KHDRBS3: variants seen among roughly 807,000 people sequenced by gnomAD.
KHDRBS3 encodes the protein KH domain-containing, RNA-binding, signal transduction-associated protein 3.
In KHDRBS3, 23 loss-of-function variants were observed where a neutral mutation model predicts 45.6. The observed-to-expected ratio is 0.50, with a 90% CI of 0.36 to 0.72. KHDRBS3 has a LOEUF of 0.72. Among genes scored for constraint, KHDRBS3 ranks in the 30% least tolerant of loss-of-function variants. The pLI, the probability that KHDRBS3 is intolerant of heterozygous loss-of-function variation, is 0.00. For missense variants in KHDRBS3, 352 were observed against 424.8 expected (o/e 0.83, Z 1.51); for synonymous variants, 162 against 156.5 (o/e 1.04, Z -0.26).
chr8:135,509,972 C>G (rs1056453015), intron 1 of KHDRBS3, among the ~76,000 whole-genome samples: 2 of 146,890 alleles, frequency 1.4e-5, no homozygotes, highest in African/African-American at 5.3e-5. Context: ...CTTTCCCCCC[C>G]CCTTTTTTTT....
At chr8:135,523,531 C>T (rs1825024028) in intron 2 of KHDRBS3, among the ~76,000 whole-genome samples, 1 of 152,092 alleles carries the variant, frequency 6.6e-6, no homozygotes, top group Non-Finnish European at 1.5e-5. Context: ...ATTTGTCATG[C>T]ACATCATTAT....
At chr8:135,489,187 C>T (rs1210893089) in intron 1 of KHDRBS3, among the ~76,000 whole-genome samples, 2 of 152,088 alleles carry the variant, frequency 1.3e-5, no homozygotes, top group South Asian at 2.1e-4. Context: ...TCCCCAACTC[C>T]TTTCAAAGTT....
At chr8:135,467,649 T>A (rs777972117) in intron 1 of KHDRBS3, among the ~76,000 whole-genome samples, 1 of 152,264 alleles carries the variant, frequency 6.6e-6, no homozygotes, top group Non-Finnish European at 1.5e-5. Flanking sequence ...TCACACACTG[T>A]CTTGGCAGGA....
At chr8:135,608,678 C>T (rs942485739) in intron 7 of KHDRBS3, among the ~76,000 whole-genome samples, 2 of 152,136 alleles carry the variant, frequency 1.3e-5, no homozygotes, top group African/African-American at 4.8e-5. Context: ...GATGTATATA[C>T]AGTTATGTGT....
At chr8:135,543,009 G>A (rs1483761474) in intron 3 of KHDRBS3, among the ~76,000 whole-genome samples, 1 of 152,110 alleles carries the variant, frequency 6.6e-6, no homozygotes, top group Non-Finnish European at 1.5e-5. Context: ...GTTGTAATAT[G>A]TCACCTTGTA....
At chr8:135,521,384 A>G in intron 2 of KHDRBS3, 29 bp downstream of exon 2, 1 of 1,214,074 alleles carries the variant, frequency 8.2e-7, no homozygotes, top group Non-Finnish European at 1.2e-6. Flanking sequence ...CACTGCAGGT[A>G]TTTTAACCTG....
intron 4 of KHDRBS3, among the ~76,000 whole-genome samples, chr8:135,654,098 A>G (rs1214835340): frequency 2.0e-5 from 3 of 152,226 alleles, no homozygotes; most frequent in East Asian, 1.9e-4. Flanking sequence ...TATTTTTTAC[A>G]TAGAAAACAA....
chr8:135,645,368 T>C (rs1211947992), intron 8 of KHDRBS3, among the ~76,000 whole-genome samples: 1 of 152,214 alleles, frequency 6.6e-6, no homozygotes, highest in African/African-American at 2.4e-5. Context: ...TTGGTCGCCG[T>C]GTGCTGATTT....
intron 4 of KHDRBS3, among the ~76,000 whole-genome samples, chr8:135,555,164 A>G (rs1273590275): frequency 4.6e-5 from 7 of 152,208 alleles, no homozygotes; most frequent in Admixed American, 4.6e-4. Context: ...TAAATACAAC[A>G]CTGACTTCCT....
At chr8:135,548,175 A>C (rs1826404051) in intron 3 of KHDRBS3, among the ~76,000 whole-genome samples, 1 of 152,214 alleles carries the variant, frequency 6.6e-6, no homozygotes, top group Non-Finnish European at 1.5e-5. Context: ...ATCTTTGTTG[A>C]ACATCTGTAT....
intron 5 of KHDRBS3, 41 bp downstream of exon 5, chr8:135,557,628 C>A (rs770122669): frequency 1.5e-5 from 22 of 1,507,010 alleles, no homozygotes; most frequent in Non-Finnish European, 1.9e-5. Context: ...ACCGTGGCAG[C>A]AGTTTTAATA....
At chr8:135,624,503 C>G (rs770772741) in intron 7 of KHDRBS3, among the ~76,000 whole-genome samples, 16 of 152,308 alleles carry the variant, frequency 1.1e-4, no homozygotes, top group Non-Finnish European at 2.1e-4. Flanking sequence ...CTCTTCAACT[C>G]AAACATCTCA....
At chr8:135,545,528 T>C (rs1826251746) in intron 3 of KHDRBS3, among the ~76,000 whole-genome samples, 1 of 152,168 alleles carries the variant, frequency 6.6e-6, no homozygotes, top group Non-Finnish European at 1.5e-5. Flanking sequence ...TGAGCATCTG[T>C]ATTGTTATTC....
chr8:135,533,348 T>C (rs749825772), intron 2 of KHDRBS3, among the ~76,000 whole-genome samples: 1 of 152,128 alleles, frequency 6.6e-6, no homozygotes. Context: ...TATGATCCAG[T>C]TGGATATGAC....
At chr8:135,581,743 C>A in intron 5 of KHDRBS3, 135 bp from the exon 6 acceptor site, 1 of 707,438 alleles carries the variant, frequency 1.4e-6, no homozygotes, top group Non-Finnish European at 2.2e-6. Context: ...TGCTTTAGTT[C>A]TTTGCTTGTG....
chr8:135,534,217 GT>G lies in KHDRBS3; in HGVS notation c.208-8427del, dbSNP rs34069337. On this transcript the variant is annotated intron_variant, in intron 2 of 8. Coordinates refer to ENST00000355849, the MANE Select transcript of KHDRBS3 (RefSeq NM_006558.3). ...CTTTATTTTACAATTCTTCTCAGGT[GT>G]TTTTTTTTTAACATTTTTAGATAAA... 4.1e-3 allele frequency among the ~76,000 whole-genome samples: 614 copies of G among 149,932 alleles called. 10 individuals carry two copies. Among genetic ancestry groups the G allele is most frequent in the African/African-American group, 0.014 (556 of 40,864 alleles).
chr8:135,506,730 G>A (rs1824015125), intron 1 of KHDRBS3, among the ~76,000 whole-genome samples: 1 of 150,662 alleles, frequency 6.6e-6, no homozygotes, highest in Non-Finnish European at 1.5e-5. Flanking sequence ...AAGACAGTTA[G>A]TTCCATCCTT....
At chr8:135,461,824 C>G (rs1279829971) in intron 1 of KHDRBS3, among the ~76,000 whole-genome samples, 3 of 152,146 alleles carry the variant, frequency 2.0e-5, no homozygotes, top group African/African-American at 7.2e-5. Flanking sequence ...GAAAGTGGAG[C>G]TGAGGATTCA....
At chr8:135,613,965 T>C (rs1405293426) in intron 7 of KHDRBS3, among the ~76,000 whole-genome samples, 1 of 151,616 alleles carries the variant, frequency 6.6e-6, no homozygotes, top group African/African-American at 2.4e-5. Flanking sequence ...TTTCTTCCAA[T>C]TTTCAAATAC....
Sources: gnomAD v4.1 joint callset for allele counts (sites outside exome capture counted in the v4.1 genomes callset) on GRCh38, gnomAD v4.1.1 for gene constraint, MANE v1.5 for transcripts, NCBI Gene and HGNC (gene_info 2026-07-23, HGNC 2026-07-21) for gene names.